GFRA2: variants seen among roughly 807,000 people sequenced by gnomAD.
The protein encoded by GFRA2 is GDNF family receptor alpha-2.
A neutral mutation model predicts 48.3 loss-of-function variants in GFRA2; 17 were observed. That is an observed-to-expected ratio of 0.35 (90% CI 0.24 to 0.53). The LOEUF is 0.53. Ranked by LOEUF, GFRA2 falls within the 20% of genes least tolerant of loss-of-function variation. The pLI is 0.93. For missense variants in GFRA2, 660 were observed against 637.3 expected, an observed-to-expected ratio of 1.04 and a Z score of -0.38; for synonymous variants, 305 against 257.2, an observed-to-expected ratio of 1.19 and a Z score of -1.78.
intron 3 of GFRA2, among the ~76,000 whole-genome samples, chr8:21,760,981 T>C (rs564138058): frequency 1.3e-4 from 20 of 152,090 alleles, no homozygotes; most frequent in African/African-American, 4.1e-4. Flanking sequence ...AGATGTAGAA[T>C]AAATAAACTC....
intron 1 of GFRA2, among the ~76,000 whole-genome samples, chr8:21,807,995 C>T (rs1192201760): frequency 6.6e-6 from 1 of 152,114 alleles, no homozygotes; most frequent in East Asian, 1.9e-4. Context: ...CTTTAAATAC[C>T]CTTCCTACAA....
At chr8:21,736,912 G>A (rs1804492141) in intron 4 of GFRA2, among the ~76,000 whole-genome samples, 2 of 145,968 alleles carry the variant, frequency 1.4e-5, no homozygotes, top group South Asian at 2.3e-4. Flanking sequence ...AGAAATGAGG[G>A]GAGGGGAGGG....
intron 3 of GFRA2, among the ~76,000 whole-genome samples, chr8:21,759,542 G>GA (rs1491237203): frequency 2.3e-4 from 34 of 149,022 alleles, no homozygotes; most frequent in South Asian, 4.4e-4. Flanking sequence ...AGGAAGGAAG[G>GA]AGGGAAGGAA....
chr8:21,725,739 T>TG (rs555005307), intron 4 of GFRA2, among the ~76,000 whole-genome samples: 4 of 152,138 alleles, frequency 2.6e-5, no homozygotes, highest in Non-Finnish European at 5.9e-5. Context: ...GTGGCACAGC[T>TG]GGGAAGTGTG....
Position 21,727,902 on chromosome 8 carries a change from AAAGT to A in GFRA2, c.795-21865_795-21862del, listed in dbSNP as rs536185905. 3.7e-4 allele frequency among the ~76,000 whole-genome samples: 56 copies of A among 152,326 alleles called. No homozygotes were observed. In the South Asian group the frequency reaches 0.011, roughly 30 times the overall value. Reference sequence around the variant, plus strand: ...AAAATGCCAGCTGGATATTAAAACAAAAGTGTGTAGATGCACCGTGCAGATGAGT... The same window carrying A: ...AAAATGCCAGCTGGATATTAAAACAAGTGTAGATGCACCGTGCAGATGAGT... On this transcript the variant is annotated intron_variant, in intron 4 of 8. Coordinates refer to ENST00000524240, the MANE Select transcript of GFRA2 (RefSeq NM_001495.5).
At chr8:21,793,161 G>A (rs1807606833), upstream of GFRA2, among the ~76,000 whole-genome samples, 1 of 152,296 alleles carries the variant, frequency 6.6e-6, no homozygotes, top group Middle Eastern at 3.4e-3. Context: ...GTCCAATTGG[G>A]GTGCTCAAGT....
At position 21,782,721 on chromosome 8, in the gene GFRA2, C is replaced by T. The variant is rs1585337919; in HGVS notation, c.219G>A (p.Leu73=). 2.5e-6 allele frequency: 4 copies of T among 1,597,816 alleles called. No individual in the cohort carries two copies. Among genetic ancestry groups the T allele is most frequent in the Non-Finnish European group, 3.4e-6 (4 of 1,172,784 alleles). The change falls in exon 2 of 9, where the codon CTG becomes CTA. Residue 73 remains leucine (L), a synonymous_variant. Coordinates refer to ENST00000524240, the MANE Select transcript of GFRA2 (RefSeq NM_001495.5). ...AGGCCGCCTGGCACTCCTTGTTGGC[C>T]AGCATGGTGTTGCGGTCGCGGCCTG... ...CLAGRDRNTM[L]ANKECQAALE...
At chr8:21,700,422 C>A (rs538160326) in intron 7 of GFRA2, among the ~76,000 whole-genome samples, 31 of 152,334 alleles carry the variant, frequency 2.0e-4, no homozygotes, top group Admixed American at 1.9e-3. Flanking sequence ...TGGGAGGGGG[C>A]TCCTGGCTCT....
At chr8:21,740,565 A>G (rs4506202) in intron 4 of GFRA2, among the ~76,000 whole-genome samples, 86,975 of 152,070 alleles carry the variant, frequency 0.57, 27,536 homozygotes, top group African/African-American at 0.87. Flanking sequence ...CTAGAATACC[A>G]TAATAACAGC....
At chr8:21,788,051 CG>C in intron 1 of GFRA2, 68 bp downstream of exon 1, 1 of 539,068 alleles carries the variant, frequency 1.9e-6, no homozygotes, top group Admixed American at 3.7e-5. Flanking sequence ...CCCCCACCGG[CG>C]CTCCGCTCGC....
intron 3 of GFRA2, among the ~76,000 whole-genome samples, chr8:21,768,366 G>C (rs745328195): frequency 7.3e-4 from 111 of 152,298 alleles, no homozygotes; most frequent in African/African-American, 1.9e-3. Context: ...CACCATGAAG[G>C]GGGCAGGGAG....
intron 3 of GFRA2, among the ~76,000 whole-genome samples, chr8:21,761,476 G>C (rs1167865400): frequency 6.6e-6 from 1 of 152,170 alleles, no homozygotes; most frequent in Non-Finnish European, 1.5e-5. Context: ...CACTATCAGA[G>C]CAAGTGTGCA....
intron 4 of GFRA2, among the ~76,000 whole-genome samples, chr8:21,737,344 G>A (rs1804517973): frequency 6.6e-6 from 1 of 151,986 alleles, no homozygotes; most frequent in Admixed American, 6.5e-5. Context: ...AGTCCAGCCT[G>A]GACGACAGAG....
chr8:21,726,932 A>G (rs1363162034), intron 4 of GFRA2, among the ~76,000 whole-genome samples: 4 of 151,856 alleles, frequency 2.6e-5, no homozygotes, highest in South Asian at 2.1e-4. Context: ...TTGTATTTAT[A>G]GTAGAGACTG....
chr8:21,770,884 C>T (rs1806404823), intron 3 of GFRA2, among the ~76,000 whole-genome samples: 1 of 152,192 alleles, frequency 6.6e-6, no homozygotes. Context: ...ATCTCTCTTC[C>T]CCACCTTGGT....
At chr8:21,712,090 C>A (rs1435418445) in intron 4 of GFRA2, among the ~76,000 whole-genome samples, 1 of 152,274 alleles carries the variant, frequency 6.6e-6, no homozygotes, top group Non-Finnish European at 1.5e-5. Context: ...TCTTTCTACA[C>A]AGACACAGCA....
intron 4 of GFRA2, among the ~76,000 whole-genome samples, chr8:21,711,898 G>A (rs903628807): frequency 3.9e-5 from 6 of 152,148 alleles, no homozygotes; most frequent in African/African-American, 9.7e-5. Flanking sequence ...AGAGCATGCT[G>A]CCTTCAAGCA....
intron 3 of GFRA2, among the ~76,000 whole-genome samples, chr8:21,760,534 A>G (rs181430971): frequency 1.3e-3 from 202 of 152,366 alleles, no homozygotes; most frequent in African/African-American, 4.7e-3. Flanking sequence ...GAAAAAGGAA[A>G]GACTTGGAAG....
rs989853117 is a variant in GFRA2 at position 21,771,355 on chromosome 8, G to T, written c.439+3617C>A. On this transcript the variant is annotated intron_variant, in intron 3 of 8. Coordinates refer to ENST00000524240, the MANE Select transcript of GFRA2 (RefSeq NM_001495.5). Reference sequence around the variant, plus strand: ...AGGACAAAACTCACTTCCTCTCCATGAAATCTCTTCCCACATAGAAGGGGA... The same window carrying T: ...AGGACAAAACTCACTTCCTCTCCATTAAATCTCTTCCCACATAGAAGGGGA... Among the ~76,000 whole-genome samples, 14 of 152,308 alleles carry T rather than the reference G, an allele frequency of 9.2e-5. No homozygotes were observed. In the East Asian group the frequency reaches 2.7e-3, roughly 29 times the overall value.
Sources: gnomAD v4.1 joint callset for allele counts (sites outside exome capture counted in the v4.1 genomes callset) on GRCh38, gnomAD v4.1.1 for gene constraint, MANE v1.5 for transcripts, NCBI Gene and HGNC (gene_info 2026-07-23, HGNC 2026-07-21) for gene names.